The following GRID2 variants were observed in gnomAD, a reference collection of about 807,000 sequenced individuals.
GRID2 encodes the protein glutamate receptor ionotropic, delta-2.
In GRID2, 33 loss-of-function variants were observed where a neutral mutation model predicts 114.8. The observed-to-expected ratio is 0.29, with a 90% CI of 0.22 to 0.38. The LOEUF is 0.38. Ranked by LOEUF, GRID2 falls within the 10% of genes least tolerant of loss-of-function variation. The pLI, the probability that GRID2 is intolerant of heterozygous loss-of-function variation, is 1.00. For synonymous variants in GRID2, 505 were observed against 449.9 expected, an observed-to-expected ratio of 1.12 and a Z score of -1.55; for missense variants, 1,184 against 1,257.7, an observed-to-expected ratio of 0.94 and a Z score of 0.89.
At chr4:93,091,713 G>A (rs1288109451) in intron 3 of GRID2, among the ~76,000 whole-genome samples, 1 of 152,056 alleles carries the variant, frequency 6.6e-6, no homozygotes, top group Non-Finnish European at 1.5e-5. Flanking sequence ...AACTTACAGA[G>A]ACTGATTGTG....
chr4:92,594,619 A>G (rs1275709505), intron 2 of GRID2, among the ~76,000 whole-genome samples: 1 of 151,902 alleles, frequency 6.6e-6, no homozygotes, highest in Non-Finnish European at 1.5e-5. Context: ...CTGCCACCTC[A>G]TTCAACTATT....
intron 1 of GRID2, among the ~76,000 whole-genome samples, chr4:92,559,959 C>A (rs1174393249): frequency 6.6e-6 from 1 of 152,074 alleles, no homozygotes; most frequent in Non-Finnish European, 1.5e-5. Context: ...AGAATCAAAT[C>A]AGTATAATTT....
intron 13 of GRID2, among the ~76,000 whole-genome samples, chr4:93,530,419 A>G (rs1731329382): frequency 6.6e-6 from 1 of 152,138 alleles, no homozygotes. Flanking sequence ...CATGCCATAC[A>G]TTACTATCAA....
At chr4:93,582,770 G>C (rs1737108927) in intron 13 of GRID2, among the ~76,000 whole-genome samples, 1 of 151,980 alleles carries the variant, frequency 6.6e-6, no homozygotes, top group Admixed American at 6.5e-5. Context: ...TATTTAGATT[G>C]GGGAAATAAA....
intron 13 of GRID2, among the ~76,000 whole-genome samples, chr4:93,553,847 ATCT>A (rs1734031429): frequency 1.3e-5 from 2 of 152,300 alleles, no homozygotes; most frequent in South Asian, 4.1e-4. Flanking sequence ...TAAGATGTTA[ATCT>A]TCTTAATCAT....
At chr4:93,544,548 C>T (rs535717161) in intron 13 of GRID2, among the ~76,000 whole-genome samples, 2 of 152,072 alleles carry the variant, frequency 1.3e-5, no homozygotes, top group East Asian at 1.9e-4. Flanking sequence ...GAGGCCAAGG[C>T]AGGTGGATCA....
intron 8 of GRID2, among the ~76,000 whole-genome samples, chr4:93,329,259 A>G (rs1758179614): frequency 6.6e-6 from 1 of 152,166 alleles, no homozygotes; most frequent in Non-Finnish European, 1.5e-5. Flanking sequence ...AACTGGAGGC[A>G]TTGACATTAT....
At chr4:93,721,303 G>T (rs1471190556) in intron 14 of GRID2, among the ~76,000 whole-genome samples, 1 of 152,142 alleles carries the variant, frequency 6.6e-6, no homozygotes, top group African/African-American at 2.4e-5. Context: ...GTTAGGTAAT[G>T]GATGGATCAA....
intron 2 of GRID2, among the ~76,000 whole-genome samples, chr4:92,621,314 G>A (rs1330026723): frequency 2.0e-5 from 3 of 151,922 alleles, no homozygotes; most frequent in African/African-American, 2.4e-5. Context: ...AGTTAAAATT[G>A]TGATATTGGA....
At chr4:92,407,750 A>G (rs1056396948) in intron 1 of GRID2, among the ~76,000 whole-genome samples, 4 of 152,098 alleles carry the variant, frequency 2.6e-5, no homozygotes, top group African/African-American at 9.7e-5. Context: ...GTGTTTGTTC[A>G]GGTACTTTTC....
intron 2 of GRID2, among the ~76,000 whole-genome samples, chr4:93,035,114 T>G (rs903539991): frequency 2.2e-4 from 33 of 151,174 alleles, no homozygotes; most frequent in Non-Finnish European, 3.4e-4. Flanking sequence ...GCTTTTTTTT[T>G]TTTTTTTCTG....
intron 13 of GRID2, among the ~76,000 whole-genome samples, chr4:93,589,306 G>C (rs1162901900): frequency 6.7e-6 from 1 of 150,040 alleles, no homozygotes; most frequent in African/African-American, 2.5e-5. Flanking sequence ...GTGGTGTTTG[G>C]TTTTTTTGTT....
intron 12 of GRID2, among the ~76,000 whole-genome samples, chr4:93,503,833 T>A (rs1407672705): frequency 3.3e-5 from 5 of 152,124 alleles, no homozygotes; most frequent in East Asian, 1.9e-4. Flanking sequence ...GAGATAAATT[T>A]AAAAAAAATA....
intron 14 of GRID2, among the ~76,000 whole-genome samples, chr4:93,677,343 G>T (rs1312611286): frequency 2.6e-5 from 4 of 152,176 alleles, no homozygotes; most frequent in Admixed American, 6.5e-5. Context: ...CTCCACCTCT[G>T]GGGGCAGGGC....
At chr4:92,964,399 G>T (rs1211006356) in intron 2 of GRID2, among the ~76,000 whole-genome samples, 1 of 151,992 alleles carries the variant, frequency 6.6e-6, no homozygotes, top group African/African-American at 2.4e-5. Flanking sequence ...AGGCATAGGG[G>T]ACAAGAGGAG....
In GRID2 at chr4:93,653,416, C is replaced by T. The variant is rs532670684; in HGVS notation, c.2360+26981C>T. ...GCTTTTACTCTTGAACTCTGAAACC[C>T]GAGAATGCTAAATTAATTCACACTT... On this transcript the variant is annotated intron_variant, in intron 14 of 15. Coordinates refer to ENST00000282020, the MANE Select transcript of GRID2 (RefSeq NM_001510.4). Among the ~76,000 whole-genome samples, 20 of 152,190 alleles carry T rather than the reference C, an allele frequency of 1.3e-4. No individual in the cohort carries two copies. The South Asian group carries it at 3.5e-3, about 27-fold the overall frequency.
chr4:92,705,317 C>A (rs1465363112), intron 2 of GRID2, among the ~76,000 whole-genome samples: 1 of 152,152 alleles, frequency 6.6e-6, no homozygotes, highest in Non-Finnish European at 1.5e-5. Flanking sequence ...ACCAGACTTA[C>A]AATAAAGAAC....
chr4:92,439,525 A>G (rs1027946593), intron 1 of GRID2, among the ~76,000 whole-genome samples: 2 of 151,858 alleles, frequency 1.3e-5, no homozygotes, highest in African/African-American at 4.8e-5. Flanking sequence ...GGGCTGCTTC[A>G]AGCGGGATTA....
At chr4:93,223,377 G>A (rs2048680664) in intron 6 of GRID2, among the ~76,000 whole-genome samples, 1 of 152,042 alleles carries the variant, frequency 6.6e-6, no homozygotes, top group African/African-American at 2.4e-5. Flanking sequence ...CAAACACAAA[G>A]GATTGAAGAT....
Sources: allele counts gnomAD v4.1 joint callset (sites outside exome capture counted in the v4.1 genomes callset), GRCh38; gene constraint gnomAD v4.1.1; transcripts MANE v1.5; gene names NCBI Gene and HGNC (gene_info 2026-07-23, HGNC 2026-07-21).